The following SPRED1 variants were observed in gnomAD, a reference collection of about 807,000 sequenced individuals.
SPRED1 encodes the protein sprouty-related, EVH1 domain-containing protein 1.
A neutral mutation model predicts 52.3 loss-of-function variants in SPRED1; 18 were observed. That is an observed-to-expected ratio of 0.34 (90% CI 0.24 to 0.51). SPRED1 has a LOEUF of 0.51. Ranked by LOEUF, SPRED1 falls within the 20% of genes least tolerant of loss-of-function variation. The probability of loss-of-function intolerance (pLI) is 0.97; values close to 1 mark genes in which losing one functional copy is unlikely to be tolerated. For synonymous variants in SPRED1, 155 were observed against 179.7 expected (o/e 0.86, Z 1.10); for missense variants, 485 against 551.0 (o/e 0.88, Z 1.20).
chr15:38,323,026 C>T (rs1335212695), intron 3 of SPRED1, among the ~76,000 whole-genome samples: 1 of 151,952 alleles, frequency 6.6e-6, no homozygotes, highest in Non-Finnish European at 1.5e-5. Context: ...CATTAAAACC[C>T]ATTTCTTCCC....
intron 1 of SPRED1, among the ~76,000 whole-genome samples, chr15:38,277,192 C>T (rs558791294): frequency 2.0e-5 from 3 of 152,102 alleles, no homozygotes; most frequent in East Asian, 3.9e-4. Context: ...TTTTATGACA[C>T]GGGGTTTGAT....
intron 1 of SPRED1, among the ~76,000 whole-genome samples, chr15:38,277,372 G>C (rs1013838528): frequency 6.6e-6 from 1 of 152,050 alleles, no homozygotes; most frequent in African/African-American, 2.4e-5. Context: ...GAGATATTTG[G>C]TTTTCTATTC....
chr15:38,349,428 T>C lies in SPRED1; in HGVS notation c.589T>C (p.Phe197Leu). The C allele has an allele frequency of 6.2e-7, 1 of 1,610,496 alleles. No individual in the cohort carries two copies. The highest frequency in any genetic ancestry group is 8.5e-7 in the Non-Finnish European group (1 of 1,177,062). ...GAAATTGTTTGTATTTTAGATAACATTTGGTCAGCCAGGCTTGGACATTCA... is the reference window on the plus strand; with the variant it reads ...GAAATTGTTTGTATTTTAGATAACACTTGGTCAGCCAGGCTTGGACATTCA... ...YMQSQANQIT[F>L]GQPGLDIQSR... The change falls in exon 6 of 7, where the codon TTT (phenylalanine) becomes CTT (leucine). Residue 197 changes from phenylalanine (F) to leucine (L), a missense_variant. Around this residue, in one of 5 missense-constraint regions of SPRED1, gnomAD observed 232 missense variants for 231.8 expected, o/e 1.00. Coordinates refer to ENST00000299084, the MANE Select transcript of SPRED1 (RefSeq NM_152594.3).
At chr15:38,341,036 TAGTTTCTTTA>T (rs1896020701) in intron 5 of SPRED1, among the ~76,000 whole-genome samples, 1 of 141,748 alleles carries the variant, frequency 7.1e-6, no homozygotes, top group African/African-American at 2.6e-5. Context: ...ATTACGGAAT[TAGTTTCTTTA>T]ACAGACACAG....
intron 4 of SPRED1, among the ~76,000 whole-genome samples, chr15:38,330,157 G>A (rs1278585232): frequency 6.6e-6 from 1 of 152,110 alleles, no homozygotes; most frequent in Non-Finnish European, 1.5e-5. Context: ...ACCACATTAA[G>A]CCAAACTAAC....
Position 38,354,030 on chromosome 15 carries a change from C to T in SPRED1, c.*2366C>T, listed in dbSNP as rs902166812. The T allele has an allele frequency of 1.3e-5, 2 of 152,614 alleles. No homozygotes were observed. The highest frequency in any genetic ancestry group is 2.9e-5 in the Non-Finnish European group (2 of 68,018). The allele number at this position is 152,614 out of a possible 1,614,324, so 9.5% of individuals were successfully genotyped here. A position where few individuals can be genotyped will look rare whatever the true frequency, so the allele number is the denominator to read the frequency against. ...CTTTACAATTTTAAACAAGTTTCTT[C>T]ATTAAAAACTATGGTGATGAAATGG... On this transcript the variant is annotated 3_prime_UTR_variant, in exon 7 of 7. Transcript: ENST00000299084.
chr15:38,313,271 A>G (rs916957762), intron 2 of SPRED1, among the ~76,000 whole-genome samples: 9 of 152,018 alleles, frequency 5.9e-5, no homozygotes, highest in African/African-American at 2.2e-4. Context: ...TCAGTATAAG[A>G]TAATGTAGCA....
chr15:38,270,134 C>T (rs993727811), intron 1 of SPRED1, among the ~76,000 whole-genome samples: 3 of 152,142 alleles, frequency 2.0e-5, no homozygotes, highest in South Asian at 2.1e-4. Context: ...CATGAACTCC[C>T]GACCTCAGGT....
At chr15:38,287,898 CCTT>C (rs1894842646) in intron 1 of SPRED1, among the ~76,000 whole-genome samples, 1 of 152,154 alleles carries the variant, frequency 6.6e-6, no homozygotes, top group African/African-American at 2.4e-5. Context: ...CCTTTCTTCT[CCTT>C]CCTTTATTTT....
At chr15:38,315,020 G>A (rs1431295448) in intron 2 of SPRED1, among the ~76,000 whole-genome samples, 1 of 151,754 alleles carries the variant, frequency 6.6e-6, no homozygotes, top group Non-Finnish European at 1.5e-5. Flanking sequence ...ATAGACAATT[G>A]TAAAAACATG....
chr15:38,264,173 A>G (rs531426234), intron 1 of SPRED1, among the ~76,000 whole-genome samples: 1 of 152,296 alleles, frequency 6.6e-6, no homozygotes, highest in Admixed American at 6.5e-5. Context: ...AGATCATGTG[A>G]GCTAAGTATC....
At chr15:38,320,940 A>G (rs1037418724) in intron 2 of SPRED1, among the ~76,000 whole-genome samples, 2 of 152,196 alleles carry the variant, frequency 1.3e-5, no homozygotes, top group African/African-American at 4.8e-5. Flanking sequence ...TGGATCCTAT[A>G]CTGGAAGGAT....
intron 1 of SPRED1, among the ~76,000 whole-genome samples, chr15:38,269,581 G>T (rs1894387220): frequency 6.6e-6 from 1 of 152,000 alleles, no homozygotes; most frequent in Non-Finnish European, 1.5e-5. Context: ...GTCTCTCACT[G>T]TTTTTTCCAA....
At chr15:38,331,938 T>C (rs1895814293) in intron 4 of SPRED1, among the ~76,000 whole-genome samples, 1 of 152,144 alleles carries the variant, frequency 6.6e-6, no homozygotes, top group South Asian at 2.1e-4. Flanking sequence ...ACAATGCATA[T>C]AACAAAATTT....
Position 38,347,978 on chromosome 15 carries a change from C to G in SPRED1, c.583-1444C>G, listed in dbSNP as rs989982632. Among the ~76,000 whole-genome samples, 6 of 151,898 alleles carry G rather than the reference C, an allele frequency of 4.0e-5. No individual in the cohort carries two copies. The East Asian group carries it at 1.2e-3, about 29-fold the overall frequency. ...TTCACTTAGAGATTGTGTGAGAGAA[C>G]TAATATTCATAGACCCTGTTGACTC... On this transcript the variant is annotated intron_variant, in intron 5 of 6. Transcript: ENST00000299084.
At chr15:38,270,754 A>G (rs1015020239) in intron 1 of SPRED1, among the ~76,000 whole-genome samples, 3 of 152,218 alleles carry the variant, frequency 2.0e-5, no homozygotes, top group Non-Finnish European at 4.4e-5. Context: ...ATTAAATTAA[A>G]TTGAGAAGTT....
chr15:38,309,784 A>G (rs1309319124), intron 2 of SPRED1, among the ~76,000 whole-genome samples: 2 of 152,200 alleles, frequency 1.3e-5, no homozygotes, highest in East Asian at 1.9e-4. Flanking sequence ...GTAAATTGTG[A>G]TACTTAGATC....
chr15:38,313,658 T>C (rs1163039833), intron 2 of SPRED1, among the ~76,000 whole-genome samples: 2 of 151,282 alleles, frequency 1.3e-5, no homozygotes, highest in Non-Finnish European at 3.0e-5. Flanking sequence ...TTATATCATA[T>C]TATATTCTAA....
intron 1 of SPRED1, among the ~76,000 whole-genome samples, chr15:38,283,341 T>C (rs779577051): frequency 2.0e-5 from 3 of 152,082 alleles, no homozygotes; most frequent in Non-Finnish European, 4.4e-5. Context: ...TCCCTTGACA[T>C]GTGGGGATTA....
Sources: allele counts gnomAD v4.1 joint callset (sites outside exome capture counted in the v4.1 genomes callset), GRCh38; gene constraint gnomAD v4.1.1; regional missense constraint gnomAD v4.1.1; transcripts MANE v1.5; gene names NCBI Gene and HGNC (gene_info 2026-07-23, HGNC 2026-07-21).